The following NKAIN2 variants were observed in gnomAD, a reference collection of about 807,000 sequenced individuals.
The protein encoded by NKAIN2 is sodium/potassium-transporting ATPase subunit beta-1-interacting protein 2.
A neutral mutation model predicts 32.6 loss-of-function variants in NKAIN2; 14 were observed. That is an observed-to-expected ratio of 0.43 (90% CI 0.28 to 0.67). The LOEUF is 0.67. NKAIN2 is among the 30% of genes least tolerant of loss of function. The probability of loss-of-function intolerance (pLI) is 0.17; values close to 1 mark genes in which losing one functional copy is unlikely to be tolerated. For synonymous variants in NKAIN2, 80 were observed against 87.2 expected (o/e 0.92, Z 0.46); for missense variants, 198 against 258.3 (o/e 0.77, Z 1.60).
intron 2 of NKAIN2, among the ~76,000 whole-genome samples, chr6:124,314,526 A>T (rs112641925): frequency 0.026 from 3,936 of 152,206 alleles, 64 homozygotes; most frequent in Non-Finnish European, 0.04. Context: ...GAGCAGCTGC[A>T]ATGATGTTGC....
chr6:124,650,158 G>C (rs1472777237), intron 3 of NKAIN2, among the ~76,000 whole-genome samples: 3 of 152,118 alleles, frequency 2.0e-5, no homozygotes, highest in Non-Finnish European at 4.4e-5. Flanking sequence ...CACAAGACAA[G>C]AGAAGGAAAT....
At chr6:123,958,492 A>G (rs1361257962) in intron 1 of NKAIN2, among the ~76,000 whole-genome samples, 1 of 152,226 alleles carries the variant, frequency 6.6e-6, no homozygotes, top group Non-Finnish European at 1.5e-5. Context: ...GTGTCCTCAC[A>G]TGGTGGACAG....
chr6:124,593,703 G>A (rs191730183), intron 3 of NKAIN2, among the ~76,000 whole-genome samples: 8 of 152,230 alleles, frequency 5.3e-5, no homozygotes, highest in Admixed American at 2.6e-4. Context: ...TTGAATTTCC[G>A]ATCACTGTAG....
rs370006401 is a variant in NKAIN2 at position 123,804,227 on chromosome 6, G to A, written c.27G>A (p.Thr9=). 50 of 1,613,902 alleles carry A rather than the reference G, an allele frequency of 3.1e-5. No individual in the cohort carries two copies. Among genetic ancestry groups the A allele is most frequent in the East Asian group, 2.0e-4 (9 of 44,858 alleles). The change falls in exon 1 of 7, where the codon ACG becomes ACA. Residue 9 remains threonine, a synonymous_variant. Transcript: ENST00000368417. ...TGGGTTATTGCAGTGGCAGGTGCAC[G>A]CTTATCTTTATCTGTGGCATGCAAC... MGYCSGRC[T]LIFICGMQLV...
chr6:124,206,955 A>G (rs1185884259), intron 1 of NKAIN2, among the ~76,000 whole-genome samples: 1 of 151,820 alleles, frequency 6.6e-6, no homozygotes, highest in East Asian at 1.9e-4. Context: ...TAAAAAGTTT[A>G]TGAATTTTGG....
At chr6:124,058,519 C>T (rs190580586) in intron 1 of NKAIN2, among the ~76,000 whole-genome samples, 166 of 152,052 alleles carry the variant, frequency 1.1e-3, no homozygotes, top group Non-Finnish European at 1.9e-3. Flanking sequence ...CAAAACACAT[C>T]CAATATTAGT....
chr6:124,057,071 C>A (rs929323214), intron 1 of NKAIN2, among the ~76,000 whole-genome samples: 4 of 152,102 alleles, frequency 2.6e-5, no homozygotes, highest in East Asian at 1.9e-4. Flanking sequence ...ATGTTCTATG[C>A]ATGTAAAGAA....
chr6:124,710,297 G>A (rs1775373723), intron 4 of NKAIN2, among the ~76,000 whole-genome samples: 1 of 152,128 alleles, frequency 6.6e-6, no homozygotes, highest in African/African-American at 2.4e-5. Flanking sequence ...CTGAAAAAAT[G>A]TATATTCTGT....
At chr6:124,319,639 G>A (rs1290268707) in intron 2 of NKAIN2, among the ~76,000 whole-genome samples, 1 of 152,032 alleles carries the variant, frequency 6.6e-6, no homozygotes, top group Non-Finnish European at 1.5e-5. Flanking sequence ...ATGACCTCCA[G>A]TAACTGCGAG....
At chr6:124,811,601 T>C (rs1780906984) in intron 5 of NKAIN2, among the ~76,000 whole-genome samples, 2 of 152,150 alleles carry the variant, frequency 1.3e-5, no homozygotes, top group African/African-American at 4.8e-5. Context: ...CTTAAAATAA[T>C]TGCACCTACA....
intron 1 of NKAIN2, among the ~76,000 whole-genome samples, chr6:124,154,923 A>G (rs1326409406): frequency 6.6e-6 from 1 of 152,108 alleles, no homozygotes; most frequent in East Asian, 1.9e-4. Context: ...GATATATATG[A>G]AAATGTGATT....
intron 1 of NKAIN2, among the ~76,000 whole-genome samples, chr6:124,243,800 T>C (rs1562446578): frequency 6.6e-6 from 1 of 152,164 alleles, no homozygotes; most frequent in Non-Finnish European, 1.5e-5. Context: ...ACTTTTCTTA[T>C]CTATAGTAGA....
chr6:123,950,296 C>T (rs1023779319), intron 1 of NKAIN2, among the ~76,000 whole-genome samples: 1 of 151,676 alleles, frequency 6.6e-6, no homozygotes, highest in Non-Finnish European at 1.5e-5. Flanking sequence ...GTTTTGATAC[C>T]ACAGTAAAAC....
intron 1 of NKAIN2, among the ~76,000 whole-genome samples, chr6:123,888,579 T>C (rs571667342): frequency 6.6e-6 from 1 of 152,250 alleles, no homozygotes; most frequent in South Asian, 2.1e-4. Flanking sequence ...CCCTGAATAT[T>C]GTCATTCTAC....
chr6:124,605,479 A>G (rs1417095088), intron 3 of NKAIN2, among the ~76,000 whole-genome samples: 1 of 152,118 alleles, frequency 6.6e-6, no homozygotes, highest in Non-Finnish European at 1.5e-5. Context: ...TAAATTGAAT[A>G]TAATTAAGCA....
At chr6:124,609,767 A>T (rs148875221) in intron 3 of NKAIN2, among the ~76,000 whole-genome samples, 1 of 151,990 alleles carries the variant, frequency 6.6e-6, no homozygotes, top group African/African-American at 2.4e-5. Flanking sequence ...TTCAAAATTC[A>T]TCTCCAAAAG....
At chr6:124,128,196 T>C (rs2115000825) in intron 1 of NKAIN2, among the ~76,000 whole-genome samples, 1 of 152,214 alleles carries the variant, frequency 6.6e-6, no homozygotes, top group Admixed American at 6.5e-5. Context: ...ACAAACCAGG[T>C]CTTCACCTCA....
chr6:124,686,572 ATCACC>A (rs1562323883), intron 4 of NKAIN2, among the ~76,000 whole-genome samples: 1 of 152,074 alleles, frequency 6.6e-6, no homozygotes, highest in Non-Finnish European at 1.5e-5. Flanking sequence ...CCATGATCCA[ATCACC>A]TCCTACCAGG....
At chr6:124,313,853 T>G (rs1177215236) in intron 2 of NKAIN2, among the ~76,000 whole-genome samples, 2 of 152,244 alleles carry the variant, frequency 1.3e-5, no homozygotes, top group African/African-American at 4.8e-5. Flanking sequence ...CTTTTAACCT[T>G]TTATCTCCTT....
Sources: allele counts gnomAD v4.1 joint callset (sites outside exome capture counted in the v4.1 genomes callset), GRCh38; gene constraint gnomAD v4.1.1; transcripts MANE v1.5; gene names NCBI Gene and HGNC (gene_info 2026-07-23, HGNC 2026-07-21).